Variants in ARIH1 observed in about 807,000 individuals in gnomAD.
ARIH1 encodes ariadne RBR E3 ubiquitin protein ligase 1.
Under a neutral mutation model 85.0 loss-of-function variants are expected in ARIH1, and 8 were observed. The observed-to-expected ratio is 0.09, with a 90% CI of 0.06 to 0.17. The LOEUF is 0.17. ARIH1 is among the 10% of genes least tolerant of loss of function. The pLI is 1.00. For synonymous variants in ARIH1, 238 were observed against 253.6 expected, an observed-to-expected ratio of 0.94 and a Z score of 0.59; for missense variants, 311 against 718.1, an observed-to-expected ratio of 0.43 and a Z score of 6.48.
At chr15:72,555,165 T>C in intron 3 of ARIH1, 106 bp from the exon 4 acceptor site, 2 of 762,188 alleles carry the variant, frequency 2.6e-6, no homozygotes, top group South Asian at 1.9e-5. Context: ...AATTGGACAT[T>C]TTAGCCACGT....
intron 6 of ARIH1, among the ~76,000 whole-genome samples, chr15:72,561,977 AAAAAT>A (rs138942136): frequency 0.03 from 4,532 of 152,264 alleles, 68 homozygotes; most frequent in Middle Eastern, 0.051. Context: ...CCTCTTAATA[AAAAAT>A]AAAATAAAAT....
In ARIH1 at chr15:72,474,334, G is replaced by C. The variant is rs558310121; in HGVS notation, c.-306G>C. On this transcript the variant is annotated 5_prime_UTR_variant, in exon 1 of 14. Coordinates refer to ENST00000379887, the MANE Select transcript of ARIH1 (RefSeq NM_005744.5). ...CGCACGCCCCTTTGTTGGCTCAGTA[G>C]CGATAGCAGCGGCCGTGGAGGTGGC... 1.1e-5 allele frequency: 4 copies of C among 367,612 alleles called. No individual in the cohort carries two copies. The highest frequency in any genetic ancestry group is 2.0e-5 in the Non-Finnish European group (4 of 200,688). 22.8% of individuals were successfully genotyped at this position (367,612 alleles called of 1,614,324 possible).
intron 5 of ARIH1, 70 bp downstream of exon 5, chr15:72,555,977 G>A (rs965681240): frequency 1.5e-6 from 2 of 1,350,818 alleles, no homozygotes; most frequent in Non-Finnish European, 2.1e-6. Flanking sequence ...TTTTTACTTA[G>A]TACCTCAAAG....
Position 72,531,737 on chromosome 15 carries a change from C to A in ARIH1, c.444-13083C>A, listed in dbSNP as rs1175435200. On this transcript the variant is annotated intron_variant, in intron 2 of 13. Transcript: ENST00000379887. ...CAGTGAAAGTGATAGTAAGATGATA[C>A]CTCAGTCTTTTGAAAGAAAATAAAC... Among the ~76,000 whole-genome samples, 3 of 152,144 alleles carry A rather than the reference C, an allele frequency of 2.0e-5. No homozygotes were observed. The East Asian group carries it at 5.8e-4, about 29-fold the overall frequency.
intron 3 of ARIH1, among the ~76,000 whole-genome samples, chr15:72,546,849 G>C (rs955271125): frequency 6.0e-5 from 9 of 150,028 alleles, no homozygotes; most frequent in African/African-American, 2.2e-4. Context: ...CCTGGCCTCT[G>C]AAAGTGCTGG....
chr15:72,583,438 G>A lies in ARIH1; in HGVS notation c.*146G>A. 1 of 551,218 alleles carries A rather than the reference G, an allele frequency of 1.8e-6. No individual in the cohort carries two copies. 34.1% of individuals were successfully genotyped at this position (551,218 alleles called of 1,614,324 possible). A position where few individuals can be genotyped will look rare whatever the true frequency, so the allele number is the denominator to read the frequency against. ...ACCAGAATTGTTTTGTTAATGGAAA[G>A]TTTAAGTAAATTATATTGTAATAAA... On this transcript the variant is annotated 3_prime_UTR_variant, in exon 14 of 14. Transcript: ENST00000379887.
At chr15:72,578,074 C>T (rs531736149) in intron 11 of ARIH1, among the ~76,000 whole-genome samples, 1 of 152,198 alleles carries the variant, frequency 6.6e-6, no homozygotes, top group African/African-American at 2.4e-5. Flanking sequence ...TCATCTGGCA[C>T]TGGTTTGGAA....
chr15:72,526,105 A>G (rs1181205637), intron 2 of ARIH1, among the ~76,000 whole-genome samples: 2 of 152,170 alleles, frequency 1.3e-5, no homozygotes, highest in Non-Finnish European at 1.5e-5. Flanking sequence ...GTGCTTCCTA[A>G]TGGGTAACAC....
intron 2 of ARIH1, among the ~76,000 whole-genome samples, chr15:72,543,838 G>C (rs1475347998): frequency 6.6e-6 from 1 of 151,794 alleles, no homozygotes; most frequent in Non-Finnish European, 1.5e-5. Context: ...TGGTTTTACA[G>C]ATTGAAAAGT....
intron 7 of ARIH1, among the ~76,000 whole-genome samples, chr15:72,565,656 CAAACATA>C (rs908064727): frequency 1.4e-4 from 22 of 152,256 alleles, no homozygotes; most frequent in African/African-American, 4.8e-4. Context: ...TGACACATTT[CAAACATA>C]AAAGTATAGA....
intron 2 of ARIH1, among the ~76,000 whole-genome samples, chr15:72,535,235 G>A (rs940915478): frequency 1.3e-5 from 2 of 152,218 alleles, no homozygotes; most frequent in Non-Finnish European, 2.9e-5. Flanking sequence ...ACAGGCGTGA[G>A]CCACCGCGCC....
In ARIH1 at chr15:72,474,502, G is replaced by T; in HGVS notation, c.-138G>T. 8.6e-7 allele frequency: 1 copy of T among 1,168,674 alleles called. No homozygotes were observed. Among genetic ancestry groups the T allele is most frequent in the Non-Finnish European group, 1.1e-6 (1 of 875,332 alleles). The allele number at this position is 1,168,674 out of a possible 1,614,324, so 72.4% of individuals were successfully genotyped here. A position where few individuals can be genotyped will look rare whatever the true frequency, so the allele number is the denominator to read the frequency against. On this transcript the variant is annotated 5_prime_UTR_variant, in exon 1 of 14. Transcript: ENST00000379887. ...GTCAAACGCCAACCGCCGCTCCTGG[G>T]GAGGAGCCGCGGCTCGCGGGGCCGG...
intron 2 of ARIH1, among the ~76,000 whole-genome samples, chr15:72,539,099 A>G (rs1473480791): frequency 2.0e-5 from 3 of 152,214 alleles, no homozygotes; most frequent in Non-Finnish European, 2.9e-5. Context: ...TTTCAAGTCA[A>G]TGAAGCAGAG....
chr15:72,524,558 T>C (rs1483397596), intron 2 of ARIH1, among the ~76,000 whole-genome samples: 1 of 152,126 alleles, frequency 6.6e-6, no homozygotes, highest in African/African-American at 2.4e-5. Flanking sequence ...ATTACCTAAA[T>C]TGTCCCTCAA....
chr15:72,563,314 C>G (rs2140432879), intron 6 of ARIH1, 80 bp from the exon 7 acceptor site: 1 of 1,261,034 alleles, frequency 7.9e-7, no homozygotes, highest in East Asian at 2.3e-5. Flanking sequence ...CCGCCTTGGC[C>G]TCCCTAAGTT....
At chr15:72,526,764 G>GT (rs2064030203) in intron 2 of ARIH1, among the ~76,000 whole-genome samples, 1 of 151,942 alleles carries the variant, frequency 6.6e-6, no homozygotes, top group Admixed American at 6.6e-5. Flanking sequence ...GTCGGAGCTG[G>GT]TGGAGAAAGG....
In ARIH1 at chr15:72,587,939, T is replaced by C. The variant is rs1595877211; in HGVS notation, c.*4647T>C. Reference sequence around the variant, plus strand: ...GGATGGGAAAAAATAATATGAGTTATGTGCGAAAAGCAGTTTTCAGGCTAT... The same window carrying C: ...GGATGGGAAAAAATAATATGAGTTACGTGCGAAAAGCAGTTTTCAGGCTAT... On this transcript the variant is annotated 3_prime_UTR_variant, in exon 14 of 14. Coordinates refer to ENST00000379887, the MANE Select transcript of ARIH1 (RefSeq NM_005744.5). The C allele has an allele frequency of 6.6e-6, 1 of 152,326 alleles. No individual in the cohort carries two copies. Among genetic ancestry groups the C allele is most frequent in the South Asian group, 2.1e-4 (1 of 4,828 alleles). The allele number at this position is 152,326 out of a possible 1,614,324, so 9.4% of individuals were successfully genotyped here.
At chr15:72,569,564 TCTCC>T (rs1398919740) in intron 9 of ARIH1, among the ~76,000 whole-genome samples, 2 of 152,138 alleles carry the variant, frequency 1.3e-5, no homozygotes, top group African/African-American at 4.8e-5. Context: ...ATAATTTTTC[TCTCC>T]CTTAGTTTAT....
intron 1 of ARIH1, among the ~76,000 whole-genome samples, chr15:72,483,969 C>T (rs1322058032): frequency 4.0e-5 from 6 of 150,102 alleles, no homozygotes; most frequent in East Asian, 3.9e-4. Flanking sequence ...GTCAGGAGTT[C>T]GAGACCAGCC....
Sources: allele counts gnomAD v4.1 joint callset (sites outside exome capture counted in the v4.1 genomes callset), GRCh38; gene constraint gnomAD v4.1.1; transcripts MANE v1.5; gene names NCBI Gene and HGNC (gene_info 2026-07-23, HGNC 2026-07-21).